Variants in CRTAC1 observed in about 807,000 individuals in gnomAD.
The protein encoded by CRTAC1 is acidic secreted protein in cartilage.
Under a neutral mutation model 67.8 loss-of-function variants are expected in CRTAC1, and 37 were observed. The ratio of observed to expected loss-of-function variants is 0.55; its 90% CI spans 0.42 to 0.72. The LOEUF (loss-of-function observed/expected upper bound fraction) is 0.72. Among genes scored for constraint, CRTAC1 ranks in the 30% least tolerant of loss-of-function variants. The pLI, the probability that CRTAC1 is intolerant of heterozygous loss-of-function variation, is 0.00. For synonymous variants in CRTAC1, 348 were observed against 371.0 expected (o/e 0.94, Z 0.71); for missense variants, 780 against 931.6 (o/e 0.84, Z 2.12).
At chr10:97,991,373 A>G (rs2136673556) in intron 2 of CRTAC1, among the ~76,000 whole-genome samples, 1 of 151,826 alleles carries the variant, frequency 6.6e-6, no homozygotes, top group East Asian at 1.9e-4. Flanking sequence ...TGAATGCACC[A>G]CTGCACTCCA....
intron 11 of CRTAC1, among the ~76,000 whole-genome samples, chr10:97,892,989 C>T (rs2050399299): frequency 6.6e-6 from 1 of 152,350 alleles, no homozygotes; most frequent in African/African-American, 2.4e-5. Context: ...ATAAAAACCA[C>T]ACGCTCAAGG....
chr10:97,908,267 G>A (rs536008045), intron 5 of CRTAC1, 120 bp from the exon 6 acceptor site: 1 of 1,062,336 alleles, frequency 9.4e-7, no homozygotes, highest in Non-Finnish European at 1.4e-6. Context: ...GGAGCCTGGG[G>A]GGAATTCTGC....
In CRTAC1 at chr10:98,021,820, G is replaced by T. The variant is rs141922052; in HGVS notation, c.24+8629C>A. Reference sequence around the variant, plus strand: ...TGGGCTATGAGACTTTGAGGAATAGGTTTGCTTCTGTAACTAATTTGTCTA... The same window carrying T: ...TGGGCTATGAGACTTTGAGGAATAGTTTTGCTTCTGTAACTAATTTGTCTA... On this transcript the variant is annotated intron_variant, in intron 1 of 14. Coordinates refer to ENST00000370597, the MANE Select transcript of CRTAC1 (RefSeq NM_018058.7). 3.0e-3 allele frequency among the ~76,000 whole-genome samples: 451 copies of T among 152,232 alleles called. 4 individuals carry two copies. The highest frequency in any genetic ancestry group is 0.01 in the African/African-American group (431 of 41,536).
At chr10:97,907,727 C>T (rs2050632646) in intron 6 of CRTAC1, among the ~76,000 whole-genome samples, 1 of 152,084 alleles carries the variant, frequency 6.6e-6, no homozygotes, top group South Asian at 2.1e-4. Context: ...CTGAGAGACA[C>T]AAGCAGGACT....
intron 8 of CRTAC1, among the ~76,000 whole-genome samples, chr10:97,900,401 G>A (rs12218193): frequency 0.055 from 8,337 of 152,286 alleles, 271 homozygotes; most frequent in South Asian, 0.12. Context: ...AGTTAAAGGC[G>A]CTGAGAAGTC....
chr10:97,936,236 C>T lies in CRTAC1; in HGVS notation c.355G>A (p.Ala119Thr). 1 of 1,614,156 alleles carries T rather than the reference C, an allele frequency of 6.2e-7. No individual in the cohort carries two copies. The highest frequency in any genetic ancestry group is 8.5e-7 in the Non-Finnish European group (1 of 1,179,998). The change falls in exon 3 of 15, where the codon GCC becomes ACC. Residue 119 changes from alanine (A) to threonine (T), a missense_variant. Physicochemically the swap from Ala to Thr is moderately conservative, Grantham distance 58. Coordinates refer to ENST00000370597, the MANE Select transcript of CRTAC1 (RefSeq NM_018058.7). ...DRQGNAIGVT[A>T]CDIDGDGREE... ...CGGCCGTCCCCGTCGATGTCGCAGG[C>T]TGTGACCCCGATGGCGTTCCCCTGC... is the stretch of plus-strand genomic sequence containing the variant.
intron 2 of CRTAC1, among the ~76,000 whole-genome samples, chr10:97,990,942 A>C (rs1048592133): frequency 2.6e-5 from 4 of 152,040 alleles, no homozygotes; most frequent in Admixed American, 2.6e-4. Context: ...AAAAATTAAC[A>C]ACAAAAGATA....
intron 2 of CRTAC1, among the ~76,000 whole-genome samples, chr10:97,970,767 G>C (rs2051696047): frequency 6.6e-6 from 1 of 152,164 alleles, no homozygotes; most frequent in Non-Finnish European, 1.5e-5. Flanking sequence ...AGGGATTTTT[G>C]TCTGATGGTT....
At chr10:97,980,622 T>G in intron 2 of CRTAC1, among the ~76,000 whole-genome samples, 1 of 152,190 alleles carries the variant, frequency 6.6e-6, no homozygotes, top group East Asian at 1.9e-4. Context: ...TCCAACCTCC[T>G]CATGCCACAG....
intron 2 of CRTAC1, among the ~76,000 whole-genome samples, chr10:97,952,357 A>AT (rs1554925802): frequency 2.7e-5 from 4 of 150,392 alleles, no homozygotes; most frequent in Middle Eastern, 3.2e-3. Flanking sequence ...ATCTCAAAAA[A>AT]AAATAAATAA....
In CRTAC1 at chr10:97,865,030, C is replaced by G. The variant is rs1207630466; in HGVS notation, c.*518G>C. 1.3e-5 allele frequency: 2 copies of G among 152,656 alleles called. No individual in the cohort carries two copies. Among genetic ancestry groups the G allele is most frequent in the Non-Finnish European group, 2.9e-5 (2 of 68,354 alleles). The allele number at this position is 152,656 out of a possible 1,614,324, so 9.5% of individuals were successfully genotyped here. On this transcript the variant is annotated 3_prime_UTR_variant, in exon 15 of 15. Coordinates refer to ENST00000370597, the MANE Select transcript of CRTAC1 (RefSeq NM_018058.7). ...TGTTGACAAAGCCCAGTGAGAGGCA[C>G]TTGTTTTTATTGAGCCTTTACTATG...
At chr10:97,937,246 CCCAGGATGCTGTTCCTCCAGACATCCA>C (rs2051104294) in intron 2 of CRTAC1, among the ~76,000 whole-genome samples, 1 of 152,150 alleles carries the variant, frequency 6.6e-6, no homozygotes, top group Non-Finnish European at 1.5e-5. Context: ...CTGTTCTCTG[CCCAGGATGCTGTTCCTCCAGACATCCA>C]CACCGCTGGC....
At chr10:97,899,917 T>C (rs2136563312) in intron 8 of CRTAC1, among the ~76,000 whole-genome samples, 1 of 152,284 alleles carries the variant, frequency 6.6e-6, no homozygotes, top group East Asian at 1.9e-4. Context: ...TGTCCAGGAC[T>C]CCACCTATCC....
intron 2 of CRTAC1, among the ~76,000 whole-genome samples, chr10:97,973,302 C>T (rs1246418914): frequency 6.6e-6 from 1 of 152,174 alleles, no homozygotes; most frequent in Non-Finnish European, 1.5e-5. Flanking sequence ...TCCGTCCCAC[C>T]CTAATTCACA....
intron 11 of CRTAC1, among the ~76,000 whole-genome samples, chr10:97,886,031 G>A (rs2050279180): frequency 6.6e-6 from 1 of 152,208 alleles, no homozygotes; most frequent in Admixed American, 6.5e-5. Context: ...ATGTCTTGAT[G>A]TATAAAAGGG....
intron 2 of CRTAC1, among the ~76,000 whole-genome samples, chr10:97,952,538 C>CAAAAAAAAAAAAA (rs397844653): frequency 7.8e-5 from 5 of 64,218 alleles, no homozygotes; most frequent in African/African-American, 2.7e-4. Context: ...AATTCCATCT[C>CAAAAAAAAAAAAA]AAAAAAAAAA....
At chr10:97,902,384 G>T (rs1202934140) in intron 7 of CRTAC1, among the ~76,000 whole-genome samples, 2 of 152,176 alleles carry the variant, frequency 1.3e-5, no homozygotes, top group African/African-American at 4.8e-5. Context: ...ACCTTACGTT[G>T]TTTCTTGGGA....
chr10:97,894,478 T>C (rs1047807506), intron 11 of CRTAC1, among the ~76,000 whole-genome samples: 1 of 151,468 alleles, frequency 6.6e-6, no homozygotes, highest in African/African-American at 2.4e-5. Flanking sequence ...CACTGCAGCC[T>C]CTACCTCCCT....
rs747473353 is a variant in CRTAC1, at chr10:98,030,424, G to C, written c.24+25C>G. 3 of 1,242,468 alleles carry C rather than the reference G, an allele frequency of 2.4e-6. No individual in the cohort carries two copies. Among genetic ancestry groups the C allele is most frequent in the South Asian group, 4.1e-5 (1 of 24,402 alleles). The allele number at this position is 1,242,468 out of a possible 1,614,324, so 77.0% of individuals were successfully genotyped here. A position where few individuals can be genotyped will look rare whatever the true frequency, so the allele number is the denominator to read the frequency against. ...GGAGAAACTTTCTCCGCCTTAGGGT[G>C]GGGGGCACCGGTGCAGATACTCACG... On this transcript the variant is annotated intron_variant, in intron 1 of 14. Transcript: ENST00000370597. The surrounding 1 kb of genome is among the most constrained non-coding windows in gnomAD (Gnocchi z 4.2).
Sources: gnomAD v4.1 joint callset for allele counts (sites outside exome capture counted in the v4.1 genomes callset) on GRCh38, gnomAD v4.1.1 for gene constraint, Gnocchi (gnomAD v3.1) non-coding constraint, MANE v1.5 for transcripts, NCBI Gene and HGNC (gene_info 2026-07-23, HGNC 2026-07-21) for gene names.